The following THADA variants were observed in gnomAD, a reference collection of about 807,000 sequenced individuals.
THADA encodes tRNA (32-2'-O)-methyltransferase regulator THADA.
In THADA, 213 loss-of-function variants were observed where a neutral mutation model predicts 219.8. The observed-to-expected ratio is 0.97, with a 90% CI of 0.87 to 1.09. THADA has a LOEUF of 1.09. Ranked by LOEUF, THADA falls within the 50% of genes least tolerant of loss-of-function variation. THADA has a pLI of 0.00. For missense variants in THADA, 2,956 were observed against 2,311.3 expected, an observed-to-expected ratio of 1.28 and a Z score of -5.72; for synonymous variants, 1,018 against 828.9, an observed-to-expected ratio of 1.23 and a Z score of -3.92.
At chr2:43,384,937 T>G (rs560693883) in intron 29 of THADA, among the ~76,000 whole-genome samples, 1 of 151,976 alleles carries the variant, frequency 6.6e-6, no homozygotes, top group Admixed American at 6.5e-5. Flanking sequence ...GGTCAGGAGT[T>G]CTAGATAAGC....
At chr2:43,581,655 T>C in intron 8 of THADA, 86 bp downstream of exon 8, 1 of 1,211,146 alleles carries the variant, frequency 8.3e-7, no homozygotes, top group Non-Finnish European at 1.2e-6. Context: ...AAGTATCACA[T>C]TTCACACTAT....
chr2:43,476,560 A>C (rs1685573650), intron 26 of THADA, among the ~76,000 whole-genome samples: 1 of 152,200 alleles, frequency 6.6e-6, no homozygotes, highest in Non-Finnish European at 1.5e-5. Flanking sequence ...TAGCTGCATA[A>C]GTCTGAATTA....
chr2:43,281,681 C>A (rs1247485370), intron 35 of THADA, among the ~76,000 whole-genome samples: 1 of 152,094 alleles, frequency 6.6e-6, no homozygotes, highest in African/African-American at 2.4e-5. Context: ...GGTAGACCCA[C>A]CCTCCTCAGC....
intron 28 of THADA, among the ~76,000 whole-genome samples, chr2:43,403,498 T>C (rs776560833): frequency 1.3e-5 from 2 of 152,130 alleles, no homozygotes; most frequent in Non-Finnish European, 2.9e-5. Flanking sequence ...TAAGGCTCAG[T>C]AGCACTGGGC....
chr2:43,433,970 T>G (rs1679732953), intron 26 of THADA, among the ~76,000 whole-genome samples: 2 of 152,234 alleles, frequency 1.3e-5, no homozygotes. Flanking sequence ...ATTACAGGCA[T>G]GAGCCACTGC....
chr2:43,316,101 T>TTC (rs1344006496), intron 31 of THADA, among the ~76,000 whole-genome samples: 1 of 152,190 alleles, frequency 6.6e-6, no homozygotes, highest in Non-Finnish European at 1.5e-5. Flanking sequence ...TTGGCCATGC[T>TTC]TCTACCTCTG....
chr2:43,462,547 G>A (rs1683758660), intron 26 of THADA, among the ~76,000 whole-genome samples: 1 of 152,232 alleles, frequency 6.6e-6, no homozygotes, highest in African/African-American at 2.4e-5. Flanking sequence ...GATTCCTAGA[G>A]AAAAGTGATA....
At chr2:43,444,591 A>G (rs1681273931) in intron 26 of THADA, among the ~76,000 whole-genome samples, 1 of 152,220 alleles carries the variant, frequency 6.6e-6, no homozygotes, top group Non-Finnish European at 1.5e-5. Flanking sequence ...CCAATTTCTC[A>G]TAGAAACCCT....
At chr2:43,490,208 C>T (rs1687457436) in intron 25 of THADA, among the ~76,000 whole-genome samples, 1 of 152,124 alleles carries the variant, frequency 6.6e-6, no homozygotes, top group African/African-American at 2.4e-5. Context: ...TGAAACCTTG[C>T]TAATAGACAA....
chr2:43,389,043 A>G (rs768529054), intron 29 of THADA, among the ~76,000 whole-genome samples: 4 of 152,134 alleles, frequency 2.6e-5, no homozygotes, highest in East Asian at 1.9e-4. Flanking sequence ...CTTGCTACCC[A>G]CTTCCCGCAT....
chr2:43,479,337 T>C (rs538266532), intron 26 of THADA, among the ~76,000 whole-genome samples: 80 of 152,314 alleles, frequency 5.3e-4, no homozygotes, highest in African/African-American at 1.9e-3. Flanking sequence ...CTCTGTGACC[T>C]TACACAAATT....
At chr2:43,491,564 G>C (rs193024821) in intron 25 of THADA, among the ~76,000 whole-genome samples, 16 of 152,170 alleles carry the variant, frequency 1.1e-4, no homozygotes, top group Non-Finnish European at 2.1e-4. Flanking sequence ...TCTATGTTTA[G>C]ACATACAAAT....
intron 26 of THADA, among the ~76,000 whole-genome samples, chr2:43,448,014 T>G (rs1558776532): frequency 6.6e-6 from 1 of 152,210 alleles, no homozygotes; most frequent in Non-Finnish European, 1.5e-5. Flanking sequence ...ATAACTAGTT[T>G]TTCCAAGGCA....
At position 43,551,805 on chromosome 2, in the gene THADA, T is replaced by C. The variant is rs1307294007; in HGVS notation, c.2931A>G (p.Pro977=). ...TTTGCTAACCTGAATCAGTGTCCAT[T>C]GGGATGAGGCCTTCAGGGGATGAGC... The part of the protein sequence containing the change: ...IQSSSPEGLI[P]MDTDSESASR... The change falls in exon 19 of 38, where the codon CCA becomes CCG. Residue 977 remains proline, a synonymous_variant. Transcript: ENST00000405975. The C allele has an allele frequency of 6.2e-7, 1 of 1,613,034 alleles. No homozygotes were observed. The highest frequency in any genetic ancestry group is 1.3e-5 in the African/African-American group (1 of 74,778).
rs767305014 is a variant in THADA, at chr2:43,508,704, G to A, written c.3451C>T (p.Pro1151Ser). 2.5e-6 allele frequency: 4 copies of A among 1,613,662 alleles called. No homozygotes were observed. Among genetic ancestry groups the A allele is most frequent in the South Asian group, 2.2e-5 (2 of 91,056 alleles). The change falls in exon 23 of 38, where the codon CCT becomes TCT. Residue 1151 changes from proline (P) to serine (S), a missense_variant. By Grantham distance (74) the Pro-to-Ser change is moderately conservative (BLOSUM62 -1). Transcript: ENST00000405975. The stretch of plus-strand genomic sequence containing the variant: ...CTTGTAGCACAGAGTTTAGATGAAG[G>A]ATCACTGCATTTAATTTCCTCTAAA... ...SVLEEIKCSDPSSKLCATRRS... is the reference protein window; with the variant it reads ...SVLEEIKCSDSSSKLCATRRS...
chr2:43,376,491 A>C (rs1020925073), intron 29 of THADA, among the ~76,000 whole-genome samples: 13 of 152,346 alleles, frequency 8.5e-5, no homozygotes, highest in African/African-American at 3.1e-4. Flanking sequence ...CTGTATTCTA[A>C]ACATTCCGTC....
At chr2:43,584,175 C>A (rs1700767306) in intron 7 of THADA, among the ~76,000 whole-genome samples, 1 of 151,770 alleles carries the variant, frequency 6.6e-6, no homozygotes, top group South Asian at 2.1e-4. Flanking sequence ...TTACCTGGGG[C>A]TACAGGAAAA....
chr2:43,430,891 C>G (rs969186584), intron 26 of THADA, among the ~76,000 whole-genome samples: 1 of 152,124 alleles, frequency 6.6e-6, no homozygotes, highest in African/African-American at 2.4e-5. Flanking sequence ...CAAAATGGCC[C>G]CTGATTGAGA....
At chr2:43,432,058 G>A (rs527495623) in intron 26 of THADA, among the ~76,000 whole-genome samples, 1,918 of 122,548 alleles carry the variant, frequency 0.016, 246 homozygotes, top group African/African-American at 0.064. Context: ...GGGTTTCACC[G>A]TTTTAGCCGG....
Sources: gnomAD v4.1 joint callset for allele counts (sites outside exome capture counted in the v4.1 genomes callset) on GRCh38, gnomAD v4.1.1 for gene constraint, MANE v1.5 for transcripts, NCBI Gene and HGNC (gene_info 2026-07-23, HGNC 2026-07-21) for gene names.